Variants in TBC1D12 observed in about 807,000 individuals in gnomAD.
The protein encoded by TBC1D12 is TBC1 domain family member 12.
A neutral mutation model predicts 86.7 loss-of-function variants in TBC1D12; 56 were observed. That is an observed-to-expected ratio of 0.65 (90% CI 0.52 to 0.81). TBC1D12 has a LOEUF of 0.81. Ranked by LOEUF, TBC1D12 falls within the 30% of genes least tolerant of loss-of-function variation. The pLI, the probability that TBC1D12 is intolerant of heterozygous loss-of-function variation, is 0.00. For synonymous variants in TBC1D12, 421 were observed against 411.7 expected, an observed-to-expected ratio of 1.02 and a Z score of -0.27; for missense variants, 1,023 against 1,038.8, an observed-to-expected ratio of 0.98 and a Z score of 0.21.
chr10:94,489,377 C>G (rs1260699745), intron 3 of TBC1D12, among the ~76,000 whole-genome samples: 1 of 152,168 alleles, frequency 6.6e-6, no homozygotes, highest in Non-Finnish European at 1.5e-5. Context: ...GAAGCCACTG[C>G]CAGGGGTTGG....
rs536214976 is a variant in TBC1D12 at position 94,450,448 on chromosome 10, G to A, written c.1095+8429G>A. On this transcript the variant is annotated intron_variant, in intron 2 of 12. Transcript: ENST00000225235. ...GGAAATTGAAAAAGCAAACAGGAAT[G>A]AATAGGATCTGTTTAGCTAATAGGA... is the stretch of plus-strand genomic sequence containing the variant. Among the ~76,000 whole-genome samples the A allele has an allele frequency of 4.9e-4, 74 of 152,070 alleles. 1 individual carries two copies. The highest frequency in any genetic ancestry group is 1.6e-3 in the African/African-American group (66 of 41,496).
intron 2 of TBC1D12, among the ~76,000 whole-genome samples, chr10:94,448,688 AG>A (rs1424721458): frequency 2.6e-5 from 4 of 152,048 alleles, no homozygotes; most frequent in Non-Finnish European, 5.9e-5. Flanking sequence ...TGTGTTTCCC[AG>A]GCTGGTCTTG....
chr10:94,445,170 C>T (rs1223629923), intron 2 of TBC1D12, among the ~76,000 whole-genome samples: 1 of 150,984 alleles, frequency 6.6e-6, no homozygotes, highest in African/African-American at 2.4e-5. Flanking sequence ...ACCATCCTGA[C>T]CAACATGGTG....
chr10:94,442,250 G>A (rs947198149), intron 2 of TBC1D12, among the ~76,000 whole-genome samples: 1 of 151,568 alleles, frequency 6.6e-6, no homozygotes, highest in Admixed American at 6.6e-5. Flanking sequence ...CAAATAGAAC[G>A]TAGACTTTTT....
At position 94,533,407 on chromosome 10, in the gene TBC1D12, A is replaced by C. The variant is rs79460475; in HGVS notation, c.*311A>C. Reference sequence around the variant, plus strand: ...TAAAATAGCTTTGAAGATACTTCAAATTTTTACATCTTTTCTTTTGTAACA... The same window carrying C: ...TAAAATAGCTTTGAAGATACTTCAACTTTTTACATCTTTTCTTTTGTAACA... On this transcript the variant is annotated 3_prime_UTR_variant, in exon 13 of 13. Transcript: ENST00000225235. The C allele has an allele frequency of 0.032, 6,989 of 215,070 alleles. 164 individuals carry two copies. Among genetic ancestry groups the C allele is most frequent in the South Asian group, 0.044 (498 of 11,344 alleles). 13.3% of individuals were successfully genotyped at this position (215,070 alleles called of 1,614,324 possible).
chr10:94,493,437 T>A lies in TBC1D12; in HGVS notation c.1284T>A (p.Ala428=), dbSNP rs2056272926. The change falls in exon 4 of 13, where the codon GCT becomes GCA. Residue 428 remains alanine, a synonymous_variant. Coordinates refer to ENST00000225235, the MANE Select transcript of TBC1D12 (RefSeq NM_015188.2). ...AATACGATGAGATGGTGGCTGAGGC[T>A]AAAAAACGAGGTATAAAATTTAACT... ...RQEYDEMVAE[A]KKREIKEAHK... 3.7e-6 allele frequency: 6 copies of A among 1,610,918 alleles called. No homozygotes were observed. In the African/African-American group the frequency reaches 6.7e-5, roughly 18 times the overall value.
rs71031578 is a variant in TBC1D12 at position 94,469,447 on chromosome 10, C to CTTTTT, written c.1096-5206_1096-5202dup. On this transcript the variant is annotated intron_variant, in intron 2 of 12. Coordinates refer to ENST00000225235, the MANE Select transcript of TBC1D12 (RefSeq NM_015188.2). The stretch of plus-strand genomic sequence containing the variant: ...CTATGCTAGTTTCTGGAGTTTTTTC[C>CTTTTT]TTTTTTTTTTTTTTTTTTTGAGATG... Among the ~76,000 whole-genome samples the CTTTTT allele has an allele frequency of 3.6e-4, 40 of 112,566 alleles. 1 individual carries two copies. The highest frequency in any genetic ancestry group is 6.7e-4 in the South Asian group (2 of 2,978). The allele number at this position is 112,566 out of a possible 152,430, so 73.8% of individuals were successfully genotyped here.
intron 11 of TBC1D12, among the ~76,000 whole-genome samples, chr10:94,524,780 G>A (rs2134229039): frequency 6.6e-6 from 1 of 150,714 alleles, no homozygotes; most frequent in South Asian, 2.1e-4. Flanking sequence ...ATACTGATGG[G>A]GAACCTGAAA....
rs148924195 is a variant in TBC1D12 at position 94,522,259 on chromosome 10, C to A, written c.1891-85C>A. ...AAAAAGATGAGATTCTTAATGAGCA[C>A]GATTTCCTGTTAGTGTTTAAGCGTT... On this transcript the variant is annotated intron_variant, in intron 10 of 12. Coordinates refer to ENST00000225235, the MANE Select transcript of TBC1D12 (RefSeq NM_015188.2). The A allele has an allele frequency of 1.8e-3, 1,969 of 1,069,836 alleles. 27 individuals are homozygous for A. The African/African-American group carries it at 0.028, about 15-fold the overall frequency. The allele number at this position is 1,069,836 out of a possible 1,614,324, so 66.3% of individuals were successfully genotyped here.
At chr10:94,476,146 A>C (rs2134148577) in intron 3 of TBC1D12, among the ~76,000 whole-genome samples, 1 of 151,940 alleles carries the variant, frequency 6.6e-6, no homozygotes, top group East Asian at 1.9e-4. Flanking sequence ...TTTAAATGTA[A>C]AACTTCCTAG....
At chr10:94,436,708 A>G (rs2055302862) in intron 1 of TBC1D12, among the ~76,000 whole-genome samples, 1 of 151,832 alleles carries the variant, frequency 6.6e-6, no homozygotes, top group Non-Finnish European at 1.5e-5. Context: ...TTTTCTTGCT[A>G]TTATATCTCT....
At chr10:94,437,223 A>G (rs150434392) in intron 1 of TBC1D12, among the ~76,000 whole-genome samples, 63 of 151,688 alleles carry the variant, frequency 4.2e-4, no homozygotes, top group African/African-American at 1.5e-3. Context: ...GTTTGACTAT[A>G]ATGTATCTCA....
At position 94,403,627 on chromosome 10, in the gene TBC1D12, G is replaced by T. The variant is rs375130634; in HGVS notation, c.971+43G>T. 832 of 1,412,066 alleles carry T rather than the reference G, an allele frequency of 5.9e-4. 4 individuals carry two copies. In the African/African-American group the frequency reaches 0.011, roughly 19 times the overall value. 87.5% of individuals were successfully genotyped at this position (1,412,066 alleles called of 1,614,324 possible). ...TGGGACTCGGGGCGGGTCCGGGGCC[G>T]GGGCCGGAGCCGGGGTCTTGGTGGG... On this transcript the variant is annotated intron_variant, in intron 1 of 12. Transcript: ENST00000225235.
At position 94,480,697 on chromosome 10, in the gene TBC1D12, T is replaced by A. The variant is rs116183904; in HGVS notation, c.1211+5914T>A. 4.9e-3 allele frequency among the ~76,000 whole-genome samples: 739 copies of A among 149,744 alleles called. 6 individuals carry two copies. Among genetic ancestry groups the A allele is most frequent in the African/African-American group, 0.017 (682 of 40,838 alleles). On this transcript the variant is annotated intron_variant, in intron 3 of 12. Coordinates refer to ENST00000225235, the MANE Select transcript of TBC1D12 (RefSeq NM_015188.2). ...CAAAACCTTGTCTCTACAAAAAAAA[T>A]ATATATATATGTTTATATATATATA...
chr10:94,466,165 C>T (rs530439053), intron 2 of TBC1D12, among the ~76,000 whole-genome samples: 7 of 151,916 alleles, frequency 4.6e-5, no homozygotes, highest in Admixed American at 6.6e-5. Flanking sequence ...AAGAACCTTA[C>T]GACAGTGTAC....
At chr10:94,409,786 GATTA>G (rs1437976634) in intron 1 of TBC1D12, among the ~76,000 whole-genome samples, 1 of 152,108 alleles carries the variant, frequency 6.6e-6, no homozygotes, top group African/African-American at 2.4e-5. Flanking sequence ...TGGCCATAGA[GATTA>G]ATTTTTAATT....
At chr10:94,507,546 T>C (rs1002407620) in intron 7 of TBC1D12, among the ~76,000 whole-genome samples, 199 bp downstream of exon 7, 12 of 152,298 alleles carry the variant, frequency 7.9e-5, no homozygotes, top group Non-Finnish European at 1.5e-4. Flanking sequence ...ATGTCAGCTA[T>C]TTGTGGAGAA....
chr10:94,468,040 C>T (rs1226255822), intron 2 of TBC1D12, among the ~76,000 whole-genome samples: 1 of 152,172 alleles, frequency 6.6e-6, no homozygotes, highest in Non-Finnish European at 1.5e-5. Context: ...CGAGAAACTG[C>T]AACACTAGGG....
chr10:94,469,447 C>CTTTTTTTTTTTTTTTTTTT (rs71031578), intron 2 of TBC1D12, among the ~76,000 whole-genome samples: 1 of 112,558 alleles, frequency 8.9e-6, no homozygotes. Flanking sequence ...GAGTTTTTTC[C>CTTTTTTTTTTTTTTTTTTT]TTTTTTTTTT....
Sources: allele counts gnomAD v4.1 joint callset (sites outside exome capture counted in the v4.1 genomes callset), GRCh38; gene constraint gnomAD v4.1.1; transcripts MANE v1.5; gene names NCBI Gene and HGNC (gene_info 2026-07-23, HGNC 2026-07-21).